BST1: variants seen among roughly 807,000 people sequenced by gnomAD.
BST1 encodes ADP-ribosyl cyclase/cyclic ADP-ribose hydrolase 2.
BST1 carries 49 observed loss-of-function variants against 40.6 expected under a neutral mutation model. That is an observed-to-expected ratio of 1.21 (90% CI 0.96 to 1.53). The LOEUF is 1.53. BST1 is among the 40% of genes most tolerant of loss of function. BST1 has a pLI of 0.00. For missense variants in BST1, 423 were observed against 395.9 expected, an observed-to-expected ratio of 1.07 and a Z score of -0.58; for synonymous variants, 157 against 159.3, an observed-to-expected ratio of 0.99 and a Z score of 0.11.
Position 15,715,804 on chromosome 4 carries a change from G to C in BST1, c.704+5G>C. ...TGAAATTGGGGGACCCAATGTGTAAGTTATGGTGATATTGATGATGATAAT... is the reference window on the plus strand; with the variant it reads ...TGAAATTGGGGGACCCAATGTGTAACTTATGGTGATATTGATGATGATAAT... On this transcript the variant is annotated splice_donor_5th_base_variant and intron_variant, in intron 6 of 8. Coordinates refer to ENST00000265016, the MANE Select transcript of BST1 (RefSeq NM_004334.3). 1 of 1,552,264 alleles carries C rather than the reference G, an allele frequency of 6.4e-7. No homozygotes were observed. The highest frequency in any genetic ancestry group is 8.7e-7 in the Non-Finnish European group (1 of 1,147,562).
the BST1 span, among the ~76,000 whole-genome samples, chr4:15,762,637 A>G: frequency 1.3e-5 from 2 of 151,980 alleles, no homozygotes; most frequent in South Asian, 2.1e-4. Flanking sequence ...ACTCTCTGCT[A>G]TGAGTTTGGT....
At position 15,719,011 on chromosome 4, in the gene BST1, C is replaced by T. The variant is rs1204175671; in HGVS notation, c.791+18C>T. On this transcript the variant is annotated intron_variant, in intron 7 of 8. Transcript: ENST00000265016. ...GATTACCGGTAGGTGGCCTATATAT[C>T]AATGTGCTCTTGTAGAGGTGGTGTA... is the stretch of plus-strand genomic sequence containing the variant. 3.1e-6 allele frequency: 5 copies of T among 1,606,264 alleles called. No homozygotes were observed. Among genetic ancestry groups the T allele is most frequent in the African/African-American group, 1.3e-5 (1 of 74,556 alleles).
chr4:15,711,584 T>C (rs549140370), intron 3 of BST1, among the ~76,000 whole-genome samples: 58 of 152,228 alleles, frequency 3.8e-4, no homozygotes, highest in Non-Finnish European at 6.2e-4. Flanking sequence ...TTCCTCACAT[T>C]TGTGATGAGC....
intron 3 of BST1, among the ~76,000 whole-genome samples, chr4:15,710,937 G>A (rs1001983995): frequency 2.6e-4 from 39 of 151,856 alleles, no homozygotes; most frequent in African/African-American, 8.7e-4. Context: ...CTACAGATGC[G>A]TGCCACCATA....
the BST1 span, among the ~76,000 whole-genome samples, chr4:15,748,917 G>T: frequency 6.6e-6 from 1 of 152,174 alleles, no homozygotes; most frequent in Non-Finnish European, 1.5e-5. Context: ...TCATGCAAGA[G>T]TCGCAGTAAT....
At chr4:15,745,428 T>C in the BST1 span, among the ~76,000 whole-genome samples, 1 of 152,370 alleles carries the variant, frequency 6.6e-6, no homozygotes, top group African/African-American at 2.4e-5. Context: ...TTTTTTCTGC[T>C]TTTTGAACAA....
chr4:15,728,138 G>T (rs1721203882), intron 8 of BST1, among the ~76,000 whole-genome samples: 1 of 152,060 alleles, frequency 6.6e-6, no homozygotes, highest in South Asian at 2.1e-4. Flanking sequence ...GCAAACATCA[G>T]ATCTTTTAAC....
At chr4:15,706,754 A>G (rs1413724998) in intron 2 of BST1, among the ~76,000 whole-genome samples, 3 of 152,194 alleles carry the variant, frequency 2.0e-5, no homozygotes, top group African/African-American at 4.8e-5. Context: ...CCTGTCACTA[A>G]AAGTGGGGAA....
the BST1 span, among the ~76,000 whole-genome samples, chr4:15,767,606 C>CT: frequency 0.36 from 52,681 of 145,082 alleles, 9,535 homozygotes; most frequent in African/African-American, 0.44. Flanking sequence ...CCCGGCCCTA[C>CT]TTTTTTTTTT....
chr4:15,703,358 G>A, intron 1 of BST1, 26 bp downstream of exon 1: 2 of 1,491,650 alleles, frequency 1.3e-6, no homozygotes, highest in South Asian at 2.5e-5. Context: ...GGGTGGAAGG[G>A]GAGCCGGAAA....
rs577316730 is a variant in BST1 at position 15,722,901 on chromosome 4, A to T, written c.818A>T (p.Asp273Val). 6.2e-7 allele frequency: 1 copy of T among 1,613,800 alleles called. No individual in the cohort carries two copies. The highest frequency in any genetic ancestry group is 1.3e-5 in the African/African-American group (1 of 75,046). The change falls in exon 8 of 9, where the codon GAC becomes GTC. Residue 273 changes from aspartate to valine, a missense_variant. By Grantham distance (152) the Asp-to-Val change is radical. Coordinates refer to ENST00000265016, the MANE Select transcript of BST1 (RefSeq NM_004334.3). Reference sequence around the variant, plus strand: ...CCAGTGAAGCTCTTACAGTGCGTGGACCACAGCACCCATCCTGACTGTGCC... The same window carrying T: ...CCAGTGAAGCTCTTACAGTGCGTGGTCCACAGCACCCATCCTGACTGTGCC... ...YRPVKLLQCV[D>V]HSTHPDCALK...
the BST1 span, among the ~76,000 whole-genome samples, chr4:15,763,982 A>G: frequency 0.35 from 53,182 of 151,804 alleles, 9,711 homozygotes; most frequent in South Asian, 0.41. Flanking sequence ...GTGTGTGGAC[A>G]TCACTCTACC....
chr4:15,703,399 G>T, intron 1 of BST1, 67 bp downstream of exon 1: 1 of 1,459,182 alleles, frequency 6.9e-7, no homozygotes, highest in Non-Finnish European at 9.0e-7. Flanking sequence ...CTGGGGAGGG[G>T]AAAACTGGCG....
intron 8 of BST1, 115 bp from the exon 9 acceptor site, chr4:15,731,625 C>T (rs4267735): frequency 0.038 from 52,888 of 1,385,960 alleles, 2,448 homozygotes; most frequent in East Asian, 0.26. Flanking sequence ...CTTTGCTGCT[C>T]ATGGCTTCTC....
At chr4:15,708,864 G>A (rs1055324407) in intron 3 of BST1, among the ~76,000 whole-genome samples, 3 of 152,094 alleles carry the variant, frequency 2.0e-5, no homozygotes, top group Admixed American at 6.5e-5. Flanking sequence ...CTGGATGACA[G>A]AGTGAGACTC....
chr4:15,751,681 T>C, the BST1 span, among the ~76,000 whole-genome samples: 24 of 152,004 alleles, frequency 1.6e-4, no homozygotes, highest in Non-Finnish European at 3.2e-4. Context: ...ATAGTATATG[T>C]ATATCTTATA....
At chr4:15,740,934 C>T (rs551288548), downstream of BST1, among the ~76,000 whole-genome samples, 4 of 151,876 alleles carry the variant, frequency 2.6e-5, no homozygotes, top group African/African-American at 7.2e-5. Context: ...TACTCAACTC[C>T]GTGGTTCGTG....
intron 1 of BST1, chr4:15,704,929 A>T: frequency 2.6e-6 from 2 of 775,468 alleles, no homozygotes; most frequent in Non-Finnish European, 4.8e-6. Flanking sequence ...GGCAAATAAG[A>T]AACAGCAGAG....
chr4:15,731,366 GT>G, intron 8 of BST1: 1 of 511,294 alleles, frequency 2.0e-6, no homozygotes, highest in Non-Finnish European at 3.6e-6. Flanking sequence ...TCAGTACCTC[GT>G]TTTCCATGTG....
Sources: gnomAD v4.1 joint callset for allele counts (sites outside exome capture counted in the v4.1 genomes callset) on GRCh38, gnomAD v4.1.1 for gene constraint, MANE v1.5 for transcripts, NCBI Gene and HGNC (gene_info 2026-07-23, HGNC 2026-07-21) for gene names.